The following CAAP1 variants were observed in gnomAD, a reference collection of about 807,000 sequenced individuals.
CAAP1 encodes conserved anti-apoptotic protein.
In CAAP1, 20 loss-of-function variants were observed where a neutral mutation model predicts 34.0. The ratio of observed to expected loss-of-function variants is 0.59; its 90% CI spans 0.41 to 0.86. CAAP1 has a LOEUF of 0.86. CAAP1 is among the 40% of genes least tolerant of loss of function. The pLI is 0.00. For missense variants in CAAP1, 538 were observed against 450.5 expected, an observed-to-expected ratio of 1.19 and a Z score of -1.76; for synonymous variants, 213 against 166.7, an observed-to-expected ratio of 1.28 and a Z score of -2.14.
chr9:26,871,102 G>A (rs1381119292), intron 4 of CAAP1, among the ~76,000 whole-genome samples: 1 of 152,156 alleles, frequency 6.6e-6, no homozygotes, highest in Non-Finnish European at 1.5e-5. Context: ...GACACTTACT[G>A]AGAGAGGTTA....
At chr9:26,875,609 A>G (rs1352996960) in intron 4 of CAAP1, among the ~76,000 whole-genome samples, 1 of 152,194 alleles carries the variant, frequency 6.6e-6, no homozygotes, top group Non-Finnish European at 1.5e-5. Context: ...TTGTTTCTAA[A>G]GCCAGCCTTT....
At chr9:26,864,304 CT>C (rs769417038) in intron 4 of CAAP1, among the ~76,000 whole-genome samples, 1 of 151,766 alleles carries the variant, frequency 6.6e-6, no homozygotes, top group Non-Finnish European at 1.5e-5. Context: ...ATCTGTGGAA[CT>C]TAATAAAGAA....
At chr9:26,844,639 A>G (rs979295784) in intron 5 of CAAP1, among the ~76,000 whole-genome samples, 3 of 152,228 alleles carry the variant, frequency 2.0e-5, no homozygotes, top group African/African-American at 7.2e-5. Flanking sequence ...ACTCAGGTTC[A>G]ATTTTCTGGT....
intron 4 of CAAP1, among the ~76,000 whole-genome samples, chr9:26,879,011 G>A (rs1823519203): frequency 6.6e-6 from 1 of 152,152 alleles, no homozygotes. Context: ...GAAAAAAGGA[G>A]CAACATTCAA....
At chr9:26,872,575 T>C (rs1251813511) in intron 4 of CAAP1, among the ~76,000 whole-genome samples, 1 of 150,062 alleles carries the variant, frequency 6.7e-6, no homozygotes, top group Non-Finnish European at 1.5e-5. Context: ...TATATATATT[T>C]AGACAGAGTG....
chr9:26,887,947 AGC>A (rs1051478090), intron 1 of CAAP1, among the ~76,000 whole-genome samples: 1 of 152,196 alleles, frequency 6.6e-6, no homozygotes, highest in African/African-American at 2.4e-5. Flanking sequence ...ACGTACCAGG[AGC>A]TATCATCATT....
chr9:26,877,495 T>C (rs1171432057), intron 4 of CAAP1, among the ~76,000 whole-genome samples: 2 of 152,220 alleles, frequency 1.3e-5, no homozygotes, highest in African/African-American at 2.4e-5. Flanking sequence ...GCGTATATCA[T>C]CTCTACATTC....
chr9:26,873,556 CA>C (rs1823332676), intron 4 of CAAP1, among the ~76,000 whole-genome samples: 1 of 152,178 alleles, frequency 6.6e-6, no homozygotes, highest in Admixed American at 6.5e-5. Flanking sequence ...TCATTATAAG[CA>C]CATTCTTTGG....
At chr9:26,883,660 C>T (rs959252156) in intron 4 of CAAP1, among the ~76,000 whole-genome samples, 1 of 152,098 alleles carries the variant, frequency 6.6e-6, no homozygotes, top group African/African-American at 2.4e-5. Context: ...AAGCTCAATT[C>T]AGGATTCTCT....
chr9:26,887,281 A>G (rs989097732), intron 2 of CAAP1, 32 bp downstream of exon 2: 5 of 1,350,988 alleles, frequency 3.7e-6, no homozygotes, highest in Non-Finnish European at 5.0e-6. Context: ...GTATTTCTAC[A>G]TATGTATCTA....
chr9:26,843,632 G>T (rs940767715), intron 5 of CAAP1, among the ~76,000 whole-genome samples: 13 of 151,556 alleles, frequency 8.6e-5, no homozygotes, highest in African/African-American at 2.9e-4. Flanking sequence ...CAAAATGTTA[G>T]CTTTCCCTAA....
At chr9:26,869,900 G>A (rs540769037) in intron 4 of CAAP1, 24 of 952,612 alleles carry the variant, frequency 2.5e-5, no homozygotes, top group Admixed American at 6.2e-5. Context: ...AGGTGATAGA[G>A]AAAGAGTAGA....
intron 4 of CAAP1, among the ~76,000 whole-genome samples, chr9:26,877,398 C>A (rs1823466609): frequency 6.6e-6 from 1 of 152,144 alleles, no homozygotes; most frequent in South Asian, 2.1e-4. Flanking sequence ...ATGACGTTTG[C>A]ACAACAAATC....
At chr9:26,845,651 G>C (rs1822582140) in intron 5 of CAAP1, among the ~76,000 whole-genome samples, 1 of 152,164 alleles carries the variant, frequency 6.6e-6, no homozygotes, top group African/African-American at 2.4e-5. Flanking sequence ...TAGGATTACA[G>C]GTATGAGCCA....
At chr9:26,874,705 G>A (rs371696536) in intron 4 of CAAP1, among the ~76,000 whole-genome samples, 2 of 152,032 alleles carry the variant, frequency 1.3e-5, no homozygotes, top group Non-Finnish European at 2.9e-5. Flanking sequence ...GTTTCAAACT[G>A]GCACACTAAC....
chr9:26,887,243 A>G (rs1823769408), intron 2 of CAAP1, 70 bp downstream of exon 2: 3 of 1,035,406 alleles, frequency 2.9e-6, no homozygotes, highest in Non-Finnish European at 2.7e-6. Flanking sequence ...CGCATTAAGT[A>G]AAACAAAAAA....
chr9:26,871,188 T>A (rs1296309636), intron 4 of CAAP1, among the ~76,000 whole-genome samples: 1 of 152,158 alleles, frequency 6.6e-6, no homozygotes, highest in Non-Finnish European at 1.5e-5. Flanking sequence ...TCACCTAAAT[T>A]GAAACAATTC....
At chr9:26,843,824 T>C (rs1361213818) in intron 5 of CAAP1, among the ~76,000 whole-genome samples, 3 of 152,226 alleles carry the variant, frequency 2.0e-5, no homozygotes, top group Middle Eastern at 3.4e-3. Context: ...ATGCTTATAA[T>C]TGAAAAACCA....
intron 4 of CAAP1, among the ~76,000 whole-genome samples, chr9:26,863,642 T>C (rs1823055924): frequency 6.6e-6 from 1 of 152,024 alleles, no homozygotes; most frequent in Admixed American, 6.6e-5. Flanking sequence ...AATATTTCTA[T>C]CAAACACTTT....
Sources: allele counts gnomAD v4.1 joint callset (sites outside exome capture counted in the v4.1 genomes callset), GRCh38; gene constraint gnomAD v4.1.1; transcripts MANE v1.5; gene names NCBI Gene and HGNC (gene_info 2026-07-23, HGNC 2026-07-21).